Variants in ALOX5 observed in about 807,000 individuals in gnomAD.
ALOX5 encodes polyunsaturated fatty acid 5-lipoxygenase.
ALOX5 carries 64 observed loss-of-function variants against 87.9 expected under a neutral mutation model. That is an observed-to-expected ratio of 0.73 (90% CI 0.60 to 0.90). The LOEUF is 0.90. Ranked by LOEUF, ALOX5 falls within the 40% of genes least tolerant of loss-of-function variation. The pLI, the probability that ALOX5 is intolerant of heterozygous loss-of-function variation, is 0.00. For synonymous variants in ALOX5, 388 were observed against 355.1 expected, an observed-to-expected ratio of 1.09 and a Z score of -1.04; for missense variants, 822 against 907.5, an observed-to-expected ratio of 0.91 and a Z score of 1.21.
chr10:45,389,977 C>G (rs1840153292), intron 2 of ALOX5, among the ~76,000 whole-genome samples: 1 of 152,078 alleles, frequency 6.6e-6, no homozygotes, highest in Admixed American at 6.5e-5. Context: ...CACATAAGCT[C>G]AAAATAAAGG....
intron 2 of ALOX5, among the ~76,000 whole-genome samples, chr10:45,392,133 G>C (rs1210908226): frequency 4.0e-5 from 6 of 150,812 alleles, no homozygotes; most frequent in African/African-American, 1.5e-4. Flanking sequence ...GGAGGTGAGG[G>C]GTGCCTCTGC....
chr10:45,405,467 A>G lies in ALOX5; in HGVS notation c.432-6724A>G, dbSNP rs145613330. Among the ~76,000 whole-genome samples the G allele has an allele frequency of 2.3e-4, 35 of 152,264 alleles. No homozygotes were observed. In the East Asian group the frequency reaches 2.9e-3, roughly 13 times the overall value. On this transcript the variant is annotated intron_variant, in intron 3 of 13. Transcript: ENST00000374391. ...GCTTTTTTTCCCTATTGTTCTTTCA[A>G]TTATTAATCTAAAGGAGCTCTTTCT...
chr10:45,395,739 T>C, intron 2 of ALOX5, 116 bp from the exon 3 acceptor site: 1 of 796,064 alleles, frequency 1.3e-6, no homozygotes, highest in East Asian at 2.6e-5. Context: ...TCAAATGAGG[T>C]CATGCACATA....
intron 2 of ALOX5, among the ~76,000 whole-genome samples, chr10:45,386,072 C>T (rs772126369): frequency 6.6e-6 from 1 of 151,960 alleles, no homozygotes; most frequent in Admixed American, 6.6e-5. Context: ...GGGGCCGAGG[C>T]GGGTGGATCA....
rs769437415 is a variant in ALOX5, at chr10:45,443,406, CCT to C, written c.1452-9_1452-8del. 2.9e-5 allele frequency: 47 copies of C among 1,599,900 alleles called. No individual in the cohort carries two copies. Among genetic ancestry groups the C allele is most frequent in the Non-Finnish European group, 3.8e-5 (45 of 1,173,602 alleles). ...TGGGTCGCCCACCCCGGCTGCGCCC[CCT>C]GAGCCAGGTTCACGGCCGAGGTGGT... is the stretch of plus-strand genomic sequence containing the variant. On this transcript the variant is annotated splice_region_variant and splice_polypyrimidine_tract_variant and intron_variant, in intron 10 of 13. Transcript: ENST00000374391.
At chr10:45,422,548 C>G (rs538019158) in intron 4 of ALOX5, among the ~76,000 whole-genome samples, 1 of 152,330 alleles carries the variant, frequency 6.6e-6, no homozygotes, top group East Asian at 1.9e-4. Context: ...CTGCATGAGC[C>G]CCTCTGGACA....
chr10:45,426,882 T>C (rs1410407665), intron 6 of ALOX5, among the ~76,000 whole-genome samples: 1 of 152,130 alleles, frequency 6.6e-6, no homozygotes, highest in Admixed American at 6.5e-5. Context: ...TTCCACCAGC[T>C]TAGCAAACAC....
chr10:45,417,993 C>T (rs1198461060), intron 4 of ALOX5, among the ~76,000 whole-genome samples: 1 of 152,224 alleles, frequency 6.6e-6, no homozygotes, highest in Non-Finnish European at 1.5e-5. Flanking sequence ...CACGTTTCTC[C>T]ACATCGTCCT....
intron 6 of ALOX5, among the ~76,000 whole-genome samples, chr10:45,427,519 T>C (rs1242799777): frequency 1.3e-5 from 2 of 152,192 alleles, no homozygotes; most frequent in African/African-American, 4.8e-5. Flanking sequence ...CCTGGGTGGG[T>C]GGCTTCTGTC....
chr10:45,444,206 G>A lies in ALOX5; in HGVS notation c.1765G>A (p.Val589Met). ...GGGCGTGGTGACCATTGAGCAGATC[G>A]TGGACACGCTGCCCGACCGCGGCCG... ...AKGVVTIEQI[V>M]DTLPDRGRSC... Residue 589 changes from valine to methionine, a missense_variant, in exon 13 of 14, where the codon GTG becomes ATG. Val to Met is a conservative substitution (Grantham distance 21). Transcript: ENST00000374391. 6.4e-7 allele frequency: 1 copy of A among 1,555,930 alleles called. No individual in the cohort carries two copies. Among genetic ancestry groups the A allele is most frequent in the Non-Finnish European group, 8.7e-7 (1 of 1,149,736 alleles).
At chr10:45,399,050 A>G (rs2132725389) in intron 3 of ALOX5, among the ~76,000 whole-genome samples, 1 of 152,394 alleles carries the variant, frequency 6.6e-6, no homozygotes, top group South Asian at 2.1e-4. Flanking sequence ...AAAAGTGTAC[A>G]CAACCCAAAC....
intron 3 of ALOX5, among the ~76,000 whole-genome samples, chr10:45,406,400 A>C (rs564022442): frequency 6.6e-6 from 1 of 152,200 alleles, no homozygotes; most frequent in South Asian, 2.1e-4. Context: ...TGTCTGTTAC[A>C]TATCTCACTG....
intron 3 of ALOX5, among the ~76,000 whole-genome samples, chr10:45,404,732 T>C (rs1185457245): frequency 1.3e-5 from 2 of 152,220 alleles, no homozygotes; most frequent in Non-Finnish European, 2.9e-5. Context: ...CAAGCGACAG[T>C]GAGCTTTCTC....
intron 7 of ALOX5, among the ~76,000 whole-genome samples, chr10:45,432,089 G>A (rs935277680): frequency 6.7e-6 from 1 of 149,146 alleles, no homozygotes; most frequent in African/African-American, 2.5e-5. Flanking sequence ...AAAATTGAAA[G>A]ATTCATATGG....
chr10:45,408,153 G>A (rs1840946585), intron 3 of ALOX5, among the ~76,000 whole-genome samples: 1 of 152,078 alleles, frequency 6.6e-6, no homozygotes, highest in African/African-American at 2.4e-5. Flanking sequence ...TTTCATGTCT[G>A]TTAATGAAAA....
intron 4 of ALOX5, among the ~76,000 whole-genome samples, chr10:45,419,200 C>T (rs1841411326): frequency 6.6e-6 from 1 of 152,236 alleles, no homozygotes. Flanking sequence ...CCCTGGCCGC[C>T]TTTGCGGTCA....
chr10:45,378,434 A>G (rs1477240415), intron 1 of ALOX5, among the ~76,000 whole-genome samples: 1 of 152,148 alleles, frequency 6.6e-6, no homozygotes, highest in Non-Finnish European at 1.5e-5. Flanking sequence ...TCGCTCGGCC[A>G]TTCCCAGGCC....
At position 45,382,656 on chromosome 10, in the gene ALOX5, C is replaced by T. The variant is rs1291125607; in HGVS notation, c.324C>T (p.Val108=). 1.9e-6 allele frequency: 3 copies of T among 1,613,610 alleles called. No homozygotes were observed. Among genetic ancestry groups the T allele is most frequent in the Non-Finnish European group, 8.5e-7 (1 of 1,179,790 alleles). ...FPCYRWITGD[V]EVVLRDGRAK... ...GCTACCGCTGGATCACCGGCGATGT[C>T]GAGGTTGTCCTGAGGGATGGACGCG... The change falls in exon 2 of 14, where the codon GTC becomes GTT. Residue 108 remains valine (V), a synonymous_variant. Coordinates refer to ENST00000374391, the MANE Select transcript of ALOX5 (RefSeq NM_000698.5).
intron 6 of ALOX5, among the ~76,000 whole-genome samples, chr10:45,427,530 C>T (rs527574355): frequency 6.6e-6 from 1 of 152,242 alleles, no homozygotes; most frequent in Non-Finnish European, 1.5e-5. Context: ...GGCTTCTGTC[C>T]TGCGTGCCGC....
Sources: gnomAD v4.1 joint callset for allele counts (sites outside exome capture counted in the v4.1 genomes callset) on GRCh38, gnomAD v4.1.1 for gene constraint, MANE v1.5 for transcripts, NCBI Gene and HGNC (gene_info 2026-07-23, HGNC 2026-07-21) for gene names.